GLDN: variants seen among roughly 807,000 people sequenced by gnomAD.
GLDN encodes gliomedin, also known as collomin.
Under a neutral mutation model 56.5 loss-of-function variants are expected in GLDN, and 47 were observed. That is an observed-to-expected ratio of 0.83 (90% confidence interval 0.66 to 1.06). The LOEUF (loss-of-function observed/expected upper bound fraction) is 1.06. Among genes scored for constraint, GLDN ranks in the 50% least tolerant of loss-of-function variants. The pLI, the probability that GLDN is intolerant of heterozygous loss-of-function variation, is 0.00. For synonymous variants in GLDN, 332 were observed against 278.8 expected, an observed-to-expected ratio of 1.19 and a Z score of -1.90; for missense variants, 782 against 714.3, an observed-to-expected ratio of 1.09 and a Z score of -1.08.
Position 51,341,885 on chromosome 15 carries a change from C to T in GLDN, c.201C>T (p.Ser67=), listed in dbSNP as rs570617852. 8.9e-6 allele frequency: 14 copies of T among 1,578,836 alleles called. 1 individual carries two copies. The East Asian group carries it at 3.0e-4, about 34-fold the overall frequency. The part of the protein sequence containing the change: ...REQREDSALR[S]FLAELSRAPR... ...AGCGCGAGGACAGTGCCCTGCGCTC[C>T]TTCCTGGCCGAGTTGAGCCGCGCGC... is the stretch of plus-strand genomic sequence containing the variant. Residue 67 remains serine (S), a synonymous_variant, in exon 1 of 10, where the codon TCC becomes TCT. Coordinates refer to ENST00000335449, the MANE Select transcript of GLDN (RefSeq NM_181789.4).
intron 1 of GLDN, among the ~76,000 whole-genome samples, chr15:51,359,198 A>C (rs1024646077): frequency 6.6e-6 from 1 of 152,324 alleles, no homozygotes. Flanking sequence ...GCACGAGTGC[A>C]TGTCCCTTTT....
At position 51,404,177 on chromosome 15, in the gene GLDN, AC is replaced by A. The variant is rs547184984; in HGVS notation, c.1179-96del. 8.9e-5 allele frequency: 79 copies of A among 890,262 alleles called. 1 individual carries two copies. In the South Asian group the frequency reaches 1.3e-3, roughly 15 times the overall value. The allele number at this position is 890,262 out of a possible 1,614,324, so 55.1% of individuals were successfully genotyped here. A position where few individuals can be genotyped will look rare whatever the true frequency, so the allele number is the denominator to read the frequency against. ...TAAGGAATGCAAAATCCCAGCCCTC[AC>A]CCCAGACCCACTAACTCAGTTTAAT... On this transcript the variant is annotated intron_variant, in intron 9 of 9. Coordinates refer to ENST00000335449, the MANE Select transcript of GLDN (RefSeq NM_181789.4).
At chr15:51,352,982 G>C (rs2445774) in intron 1 of GLDN, among the ~76,000 whole-genome samples, 1 of 152,132 alleles carries the variant, frequency 6.6e-6, no homozygotes, top group East Asian at 1.9e-4. Flanking sequence ...TTAAGAGTCA[G>C]GCAGCCAGAG....
chr15:51,377,822 G>C (rs1266984413), intron 2 of GLDN, among the ~76,000 whole-genome samples: 1 of 152,204 alleles, frequency 6.6e-6, no homozygotes, highest in Non-Finnish European at 1.5e-5. Context: ...AAAAGACCTT[G>C]CTAATTAATA....
At chr15:51,346,550 C>T (rs2446423) in intron 1 of GLDN, among the ~76,000 whole-genome samples, 44,474 of 152,074 alleles carry the variant, frequency 0.29, 8,193 homozygotes, top group African/African-American at 0.5. Context: ...GGGTCAAAGA[C>T]TTACATTTTT....
intron 1 of GLDN, among the ~76,000 whole-genome samples, chr15:51,355,998 A>G (rs112600948): frequency 0.22 from 32,022 of 147,596 alleles, 4,122 homozygotes; most frequent in Admixed American, 0.32. Flanking sequence ...ACGAGGTCAG[A>G]AGATCGAGAC....
Position 51,400,190 on chromosome 15 carries a change from A to C in GLDN, c.818-2A>C, listed in dbSNP as rs750653986. ...CTCTGATGATTATTGTTGTCATTTT[A>C]GGTGAGACTTGTGCCATACCAAATG... On this transcript the variant is annotated splice_acceptor_variant, in intron 6 of 9. Transcript: ENST00000335449. LOFTEE classifies it high-confidence loss of function. The C allele has an allele frequency of 2.5e-6, 4 of 1,613,742 alleles. No individual in the cohort carries two copies. Among genetic ancestry groups the C allele is most frequent in the Non-Finnish European group, 3.4e-6 (4 of 1,179,622 alleles).
chr15:51,377,403 G>A, intron 1 of GLDN, 46 bp from the exon 2 acceptor site: 1 of 1,513,760 alleles, frequency 6.6e-7, no homozygotes, highest in Non-Finnish European at 9.2e-7. Flanking sequence ...ATGAGCCCAG[G>A]GCCTGCTGCC....
At chr15:51,395,623 T>C (rs768776776) in intron 5 of GLDN, among the ~76,000 whole-genome samples, 1 of 152,104 alleles carries the variant, frequency 6.6e-6, no homozygotes, top group Non-Finnish European at 1.5e-5. Context: ...GCTAACTCTC[T>C]TACGTGCAGC....
chr15:51,365,783 G>C, intron 1 of GLDN, among the ~76,000 whole-genome samples: 1 of 152,168 alleles, frequency 6.6e-6, no homozygotes, highest in Non-Finnish European at 1.5e-5. Context: ...TCATTCTTGG[G>C]TTCTTCTTCT....
chr15:51,387,375 G>A (rs1207502515), intron 4 of GLDN, among the ~76,000 whole-genome samples: 1 of 152,216 alleles, frequency 6.6e-6, no homozygotes, highest in African/African-American at 2.4e-5. Flanking sequence ...TGAGATGTAT[G>A]TTTGAAGGGA....
chr15:51,353,734 A>AAAAAAAAAC (rs60404846), intron 1 of GLDN, among the ~76,000 whole-genome samples: 16 of 128,880 alleles, frequency 1.2e-4, no homozygotes, highest in East Asian at 2.9e-4. Context: ...AAAAAAAAAA[A>AAAAAAAAAC]CCACAGTCAA....
At chr15:51,399,378 T>C (rs2038201035) in intron 6 of GLDN, among the ~76,000 whole-genome samples, 1 of 152,164 alleles carries the variant, frequency 6.6e-6, no homozygotes, top group Non-Finnish European at 1.5e-5. Context: ...TGAGGTTCAG[T>C]CCATGTCCTG....
Position 51,400,459 on chromosome 15 carries a change from A to T in GLDN, c.988A>T (p.Lys330Ter). ...GACTTGGATAAGAGAGTCTGCTAACAAGAGTGATGACCGGATTTGGGTGAC... is the reference window on the plus strand; with the variant it reads ...GACTTGGATAAGAGAGTCTGCTAACTAGAGTGATGACCGGATTTGGGTGAC... ...FGTWIRESAN[K>*]SDDRIWVTEH... The change falls in exon 8 of 10, where the codon AAG becomes TAG. Residue 330 changes from lysine to a stop codon, truncating the protein, a stop_gained. Coordinates refer to ENST00000335449, the MANE Select transcript of GLDN (RefSeq NM_181789.4). LOFTEE classifies it high-confidence loss of function. The T allele has an allele frequency of 6.2e-7, 1 of 1,614,218 alleles. No individual in the cohort carries two copies. The highest frequency in any genetic ancestry group is 1.1e-5 in the South Asian group (1 of 91,082).
At chr15:51,342,804 G>A (rs896266287) in intron 1 of GLDN, among the ~76,000 whole-genome samples, 1 of 152,144 alleles carries the variant, frequency 6.6e-6, no homozygotes, top group African/African-American at 2.4e-5. Flanking sequence ...GTGTGCCTGT[G>A]CCCTCCTGCC....
chr15:51,342,109 G>C, intron 1 of GLDN, 62 bp downstream of exon 1: 1 of 1,575,034 alleles, frequency 6.3e-7, no homozygotes, highest in South Asian at 1.1e-5. Context: ...GGTGTGGGGC[G>C]AGGACGCCGA....
chr15:51,383,327 A>G, intron 2 of GLDN, 109 bp from the exon 3 acceptor site: 1 of 1,188,344 alleles, frequency 8.4e-7, no homozygotes, highest in Non-Finnish European at 1.2e-6. Context: ...CAAGGTGTCA[A>G]ATCCATTGCT....
In GLDN at chr15:51,400,461, G is replaced by A; in HGVS notation, c.990G>A (p.Lys330=). 1.9e-6 allele frequency: 3 copies of A among 1,614,180 alleles called. No individual in the cohort carries two copies. The highest frequency in any genetic ancestry group is 2.2e-5 in the East Asian group (1 of 44,878). The change falls in exon 8 of 10, where the codon AAG becomes AAA. Residue 330 remains lysine, a synonymous_variant. Coordinates refer to ENST00000335449, the MANE Select transcript of GLDN (RefSeq NM_181789.4). ...FGTWIRESAN[K]SDDRIWVTEH... ...CTTGGATAAGAGAGTCTGCTAACAA[G>A]AGTGATGACCGGATTTGGGTGACAG... is the stretch of plus-strand genomic sequence containing the variant.
At chr15:51,397,704 G>A in intron 6 of GLDN, 106 bp downstream of exon 6, 18 of 1,294,728 alleles carry the variant, frequency 1.4e-5, no homozygotes, top group Non-Finnish European at 1.6e-5. Flanking sequence ...GAGGGAGGAG[G>A]GTTTTGTCCA....
Sources: gnomAD v4.1 joint callset for allele counts (sites outside exome capture counted in the v4.1 genomes callset) on GRCh38, gnomAD v4.1.1 for gene constraint, MANE v1.5 for transcripts, NCBI Gene and HGNC (gene_info 2026-07-23, HGNC 2026-07-21) for gene names.